Variants in PDLIM7 observed in about 807,000 individuals in gnomAD.
PDLIM7 encodes the protein PDZ and LIM domain 7, also known as PDZ and LIM domain protein 7.
In PDLIM7, 37 loss-of-function variants were observed where a neutral mutation model predicts 53.9. The observed-to-expected ratio is 0.69, with a 90% CI of 0.53 to 0.90. The LOEUF is 0.90. Ranked by LOEUF, PDLIM7 falls within the 40% of genes least tolerant of loss-of-function variation. PDLIM7 has a pLI of 0.00. For missense variants in PDLIM7, 617 were observed against 638.5 expected, an observed-to-expected ratio of 0.97 and a Z score of 0.36; for synonymous variants, 300 against 261.3, an observed-to-expected ratio of 1.15 and a Z score of -1.43.
At chr5:177,491,256 G>A in intron 5 of PDLIM7, 110 bp from the exon 6 acceptor site, 2 of 1,439,472 alleles carry the variant, frequency 1.4e-6, no homozygotes, top group Admixed American at 4.0e-5. Context: ...GAGGGAGTGG[G>A]TAAGGGTGAG....
At chr5:177,496,582 C>G (rs558559166) in intron 1 of PDLIM7, 59 bp from the exon 2 acceptor site, 1 of 1,261,420 alleles carries the variant, frequency 7.9e-7, no homozygotes, top group African/African-American at 1.5e-5. Flanking sequence ...GCAGGCAGGC[C>G]GGGCCAGCTC....
chr5:177,491,908 C>G lies in PDLIM7; in HGVS notation c.297G>C (p.Ala99=). The change falls in exon 5 of 13, where the codon GCG becomes GCC. Residue 99 remains alanine (A), a synonymous_variant. Transcript: ENST00000355841. ...GTGCAAAGGTGTACCGCGGAGGGTC[C>G]GCGGCGGGGGCGGAGGCCTGGGCAG... The part of the protein sequence containing the change: ...SKPQKASAPA[A]DPPRYTFAPS... 9.4e-7 allele frequency: 1 copy of G among 1,061,100 alleles called. No individual in the cohort carries two copies. The highest frequency in any genetic ancestry group is 1.1e-6 in the Non-Finnish European group (1 of 871,456). The allele number at this position is 1,061,100 out of a possible 1,614,324, so 65.7% of individuals were successfully genotyped here.
At position 177,483,693 on chromosome 5, in the gene PDLIM7, G is replaced by A; in HGVS notation, c.1325C>T (p.Ser442Phe). 9 of 1,613,266 alleles carry A rather than the reference G, an allele frequency of 5.6e-6. No homozygotes were observed. The highest frequency in any genetic ancestry group is 6.8e-6 in the Non-Finnish European group (8 of 1,179,264). The change falls in exon 13 of 13, where the codon TCC becomes TTC. Residue 442 changes from serine (S) to phenylalanine (F), a missense_variant. Ser to Phe is a radical substitution (Grantham distance 155, BLOSUM62 -2). Transcript: ENST00000355841. The part of the protein sequence containing the change: ...QINLEGKTFY[S>F]KKDRPLCKSH... ...CTTGCAGAGAGGCCTGTCCTTCTTG[G>A]AGTAGAAGGTCTTTCCTTCCAGGTT...
At position 177,483,995 on chromosome 5, in the gene PDLIM7, G is replaced by A. The variant is rs1438058088; in HGVS notation, c.1172-13C>T. ...ATCTTCTCATAGTCTGAGAATGGGG[G>A]CAGAGAGAAAGAGGACCTGGATTCA... is the stretch of plus-strand genomic sequence containing the variant. On this transcript the variant is annotated splice_polypyrimidine_tract_variant and intron_variant, in intron 11 of 12. Transcript: ENST00000355841. 14 of 1,613,512 alleles carry A rather than the reference G, an allele frequency of 8.7e-6. No homozygotes were observed. Among genetic ancestry groups the A allele is most frequent in the Admixed American group, 3.3e-5 (2 of 60,004 alleles).
chr5:177,488,009 C>T lies in PDLIM7; in HGVS notation c.1050+59G>A, dbSNP rs976500150. On this transcript the variant is annotated intron_variant, in intron 10 of 12. Coordinates refer to ENST00000355841, the MANE Select transcript of PDLIM7 (RefSeq NM_005451.5). ...GAGACCTGGACTGTGGGTTTCCCAG[C>T]AGCCCTCGTTCCCACTGACAGGCTT... The T allele has an allele frequency of 5.3e-6, 8 of 1,504,636 alleles. No homozygotes were observed. The Admixed American group carries it at 9.9e-5, about 19-fold the overall frequency. 93.2% of individuals were successfully genotyped at this position (1,504,636 alleles called of 1,614,324 possible).
chr5:177,492,456 G>A, intron 3 of PDLIM7, 21 bp from the exon 4 acceptor site: 1 of 1,613,590 alleles, frequency 6.2e-7, no homozygotes, highest in Non-Finnish European at 8.5e-7. Context: ...AGGAAAGCGT[G>A]ACAGCGGGCC....
intron 10 of PDLIM7, chr5:177,487,865 G>A: frequency 2.2e-6 from 1 of 460,698 alleles, no homozygotes. Flanking sequence ...TTGCAGCCTT[G>A]GGCGGTTTCT....
intron 10 of PDLIM7, chr5:177,485,147 TAC>T (rs1758373491): frequency 6.6e-6 from 1 of 152,484 alleles, no homozygotes; most frequent in African/African-American, 2.4e-5. Context: ...GCTTATTGCT[TAC>T]AGTCTGCCTC....
At chr5:177,495,836 G>A (rs1204383367) in intron 2 of PDLIM7, among the ~76,000 whole-genome samples, 1 of 151,952 alleles carries the variant, frequency 6.6e-6, no homozygotes, top group African/African-American at 2.4e-5. Flanking sequence ...ACCACATCCT[G>A]AATGGGAACA....
chr5:177,488,164 A>C lies in PDLIM7; in HGVS notation c.954T>G (p.Gly318=). 11 of 1,613,404 alleles carry C rather than the reference A, an allele frequency of 6.8e-6. No individual in the cohort carries two copies. The highest frequency in any genetic ancestry group is 2.7e-5 in the African/African-American group (2 of 75,004). Residue 318 remains glycine (G), a synonymous_variant, in exon 10 of 13, where the codon GGT becomes GGG. Transcript: ENST00000355841. ...TGGCGCCCTTCTCCTCAAAGAAGCCACCCTCTTCCAGGACCTTCCCACACT... is the reference window on the plus strand; with the variant it reads ...TGGCGCCCTTCTCCTCAAAGAAGCCCCCCTCTTCCAGGACCTTCCCACACT... ...CSQCGKVLEE[G]GFFEEKGAIF... is the part of the protein sequence containing the mutation.
intron 7 of PDLIM7, chr5:177,490,384 G>A: frequency 6.8e-7 from 1 of 1,480,146 alleles, no homozygotes. Context: ...CTCAGGCCAG[G>A]GGCACGAAAG....
chr5:177,490,789 G>C, intron 7 of PDLIM7, 81 bp downstream of exon 7: 1 of 1,469,336 alleles, frequency 6.8e-7, no homozygotes, highest in South Asian at 1.1e-5. Flanking sequence ...CCCCAGCTGG[G>C]AGCCTCAGGA....
Position 177,489,555 on chromosome 5 carries a change from G to C in PDLIM7, c.707C>G (p.Pro236Arg). 1.2e-6 allele frequency: 2 copies of C among 1,610,844 alleles called. No homozygotes were observed. The highest frequency in any genetic ancestry group is 1.7e-6 in the Non-Finnish European group (2 of 1,179,242). Residue 236 changes from proline to arginine, a missense_variant, in exon 9 of 13, where the codon CCG (proline) becomes CGG (arginine). Transcript: ENST00000355841. ...VDPAFAERYA[P>R]DKTSTVLTRH... ...GGTCAGCACTGTGCTCGTTTTGTCC[G>C]GGGCATAGCGCTCGGCAAACGCAGG...
intron 7 of PDLIM7, chr5:177,490,177 G>A (rs1033205151): frequency 3.9e-5 from 57 of 1,447,708 alleles, no homozygotes; most frequent in Admixed American, 7.0e-5. Context: ...CAAACAGTCC[G>A]AACCACGAAA....
chr5:177,490,454 G>C, intron 7 of PDLIM7: 1 of 1,538,904 alleles, frequency 6.5e-7, no homozygotes, highest in South Asian at 1.2e-5. Context: ...AGGAGGAACA[G>C]AAAGAGGGAG....
chr5:177,490,529 G>A (rs867328386), intron 7 of PDLIM7: 12 of 1,565,932 alleles, frequency 7.7e-6, no homozygotes, highest in African/African-American at 4.1e-5. Context: ...TGGGCAGAGC[G>A]CTGGTGGTGC....
Position 177,483,503 on chromosome 5 carries a change from G to T in PDLIM7, c.*141C>A. The T allele has an allele frequency of 1.6e-6, 1 of 615,726 alleles. No homozygotes were observed. The allele number at this position is 615,726 out of a possible 1,614,324, so 38.1% of individuals were successfully genotyped here. A position where few individuals can be genotyped will look rare whatever the true frequency, so the allele number is the denominator to read the frequency against. On this transcript the variant is annotated 3_prime_UTR_variant, in exon 13 of 13. Coordinates refer to ENST00000355841, the MANE Select transcript of PDLIM7 (RefSeq NM_005451.5). Reference sequence around the variant, plus strand: ...AGTGGGGTGGGAGGATAAGGTGGGTGGGGCAGGGCCCAGGGAGCCCCAGGC... The same window carrying T: ...AGTGGGGTGGGAGGATAAGGTGGGTTGGGCAGGGCCCAGGGAGCCCCAGGC...
intron 9 of PDLIM7, among the ~76,000 whole-genome samples, 188 bp from the exon 10 acceptor site, chr5:177,488,436 C>T (rs1449888259): frequency 2.0e-5 from 3 of 152,168 alleles, no homozygotes; most frequent in African/African-American, 4.8e-5. Flanking sequence ...AGAGCCAGTC[C>T]GCCACACTGA....
intron 2 of PDLIM7, among the ~76,000 whole-genome samples, chr5:177,496,055 A>C (rs1338235912): frequency 6.6e-6 from 1 of 152,072 alleles, no homozygotes; most frequent in East Asian, 1.9e-4. Flanking sequence ...GAAATCCTAT[A>C]GTCACAGTGT....
Sources: allele counts gnomAD v4.1 joint callset (sites outside exome capture counted in the v4.1 genomes callset), GRCh38; gene constraint gnomAD v4.1.1; transcripts MANE v1.5; gene names NCBI Gene and HGNC (gene_info 2026-07-23, HGNC 2026-07-21).